The following USP34 variants were observed in gnomAD, a reference collection of about 807,000 sequenced individuals.
USP34 encodes ubiquitin specific peptidase 34, also known as ubiquitin carboxyl-terminal hydrolase 34.
Under a neutral mutation model 460.3 loss-of-function variants are expected in USP34, and 70 were observed. The observed-to-expected ratio is 0.15, with a 90% CI of 0.13 to 0.19. The LOEUF is 0.19. Ranked by LOEUF, USP34 falls within the 10% of genes least tolerant of loss-of-function variation. USP34 has a pLI of 1.00. For synonymous variants in USP34, 1,647 were observed against 1,405.3 expected (o/e 1.17, Z -3.85); for missense variants, 3,985 against 4,236.2 (o/e 0.94, Z 1.65).
intron 1 of USP34, among the ~76,000 whole-genome samples, chr2:61,459,507 G>C (rs1234776757): frequency 6.7e-6 from 1 of 150,128 alleles, no homozygotes; most frequent in Non-Finnish European, 1.5e-5. Flanking sequence ...AGGCACGGTG[G>C]CTCACACCCA....
chr2:61,270,662 C>T (rs561470708), intron 41 of USP34, among the ~76,000 whole-genome samples: 90 of 152,232 alleles, frequency 5.9e-4, no homozygotes, highest in Non-Finnish European at 1.2e-3. Context: ...TCTCAAACTC[C>T]TGAGCTCAAG....
chr2:61,310,242 C>T (rs2103668529), intron 27 of USP34, among the ~76,000 whole-genome samples: 1 of 152,120 alleles, frequency 6.6e-6, no homozygotes, highest in Non-Finnish European at 1.5e-5. Flanking sequence ...TCCAGAAATT[C>T]CATAATGAGG....
intron 27 of USP34, among the ~76,000 whole-genome samples, chr2:61,305,651 A>T (rs1690379565): frequency 6.6e-6 from 1 of 152,170 alleles, no homozygotes; most frequent in Admixed American, 6.5e-5. Flanking sequence ...ACCTTTTCTA[A>T]GTTTGATAAA....
intron 33 of USP34, among the ~76,000 whole-genome samples, chr2:61,289,816 A>C (rs1411999442): frequency 3.3e-5 from 5 of 152,312 alleles, no homozygotes; most frequent in African/African-American, 9.6e-5. Flanking sequence ...ACGTAAAAGA[A>C]AAGACTATAA....
intron 1 of USP34, among the ~76,000 whole-genome samples, chr2:61,454,955 C>T (rs1246274270): frequency 6.8e-6 from 1 of 147,720 alleles, no homozygotes; most frequent in Non-Finnish European, 1.5e-5. Flanking sequence ...CATCTTGGCT[C>T]ACTGCAACCT....
At chr2:61,393,925 C>G (rs1200950029) in intron 5 of USP34, among the ~76,000 whole-genome samples, 2 of 152,048 alleles carry the variant, frequency 1.3e-5, no homozygotes, top group Non-Finnish European at 2.9e-5. Flanking sequence ...ATCATGAGGT[C>G]AGGAGTTTGA....
intron 41 of USP34, among the ~76,000 whole-genome samples, chr2:61,270,564 T>C (rs1259115327): frequency 2.0e-5 from 3 of 152,072 alleles, no homozygotes; most frequent in Non-Finnish European, 2.9e-5. Flanking sequence ...GCCTCCCGAG[T>C]AGCTGTGATT....
intron 37 of USP34, among the ~76,000 whole-genome samples, chr2:61,282,625 C>CA (rs1689567853): frequency 6.6e-6 from 1 of 151,904 alleles, no homozygotes; most frequent in African/African-American, 2.4e-5. Context: ...CCCGTCTCTA[C>CA]AAAAAAGTTA....
rs1455519080 is a variant in USP34 at position 61,339,424 on chromosome 2, C to T, written c.2671G>A (p.Val891Ile). ...ATTTGTCTATCTGTAAACCAACATA[C>T]TAACGAACAAAGAAGTTTCTCTGCT... Reference protein sequence around the residue: ...NEAEKLLCSLVCWFTDRQIRM... With the variant: ...NEAEKLLCSLICWFTDRQIRM... Residue 891 changes from valine to isoleucine, a missense_variant, in exon 18 of 80, where the codon GTA becomes ATA. Physicochemically the swap from Val to Ile is conservative, Grantham distance 29. Coordinates refer to ENST00000398571, the MANE Select transcript of USP34 (RefSeq NM_014709.4). 5 of 1,605,552 alleles carry T rather than the reference C, an allele frequency of 3.1e-6. No individual in the cohort carries two copies. Among genetic ancestry groups the T allele is most frequent in the East Asian group, 4.5e-5 (2 of 44,532 alleles).
intron 16 of USP34, among the ~76,000 whole-genome samples, chr2:61,341,630 T>G (rs565714896): frequency 6.6e-6 from 1 of 152,100 alleles, no homozygotes; most frequent in South Asian, 2.1e-4. Flanking sequence ...CATTCTACCA[T>G]GATTGTAAGC....
At chr2:61,455,955 T>C (rs981574323) in intron 1 of USP34, among the ~76,000 whole-genome samples, 2 of 152,148 alleles carry the variant, frequency 1.3e-5, no homozygotes, top group South Asian at 2.1e-4. Flanking sequence ...AACTCAGGTC[T>C]ACCAGGTTCC....
chr2:61,215,257 T>G (rs1353691978), intron 67 of USP34, among the ~76,000 whole-genome samples: 3 of 152,228 alleles, frequency 2.0e-5, no homozygotes, highest in Non-Finnish European at 4.4e-5. Context: ...GGAAAATCTT[T>G]AAAAGTCTTC....
At chr2:61,285,524 A>T (rs2103965891) in intron 34 of USP34, among the ~76,000 whole-genome samples, 1 of 151,914 alleles carries the variant, frequency 6.6e-6, no homozygotes, top group African/African-American at 2.4e-5. Context: ...GAAAAGAAAA[A>T]GAAAAGAAAT....
intron 1 of USP34, among the ~76,000 whole-genome samples, chr2:61,452,318 CTTTTTTTTT>C (rs35104375): frequency 2.2e-5 from 2 of 89,910 alleles, no homozygotes; most frequent in South Asian, 4.8e-4. Flanking sequence ...ATTCCCGGCA[CTTTTTTTTT>C]TTTTTTTTTT....
intron 1 of USP34, among the ~76,000 whole-genome samples, chr2:61,442,306 TA>T (rs1246235498): frequency 5.1e-5 from 7 of 137,018 alleles, no homozygotes; most frequent in Non-Finnish European, 3.2e-5. Context: ...ATCAACAGAG[TA>T]AAAAAAGACA....
chr2:61,466,110 G>A (rs1695754677), intron 1 of USP34, among the ~76,000 whole-genome samples: 1 of 152,076 alleles, frequency 6.6e-6, no homozygotes. Context: ...TACTACTACA[G>A]AATGACTACG....
chr2:61,226,013 G>A (rs920267596), intron 62 of USP34, among the ~76,000 whole-genome samples: 2 of 152,050 alleles, frequency 1.3e-5, no homozygotes, highest in African/African-American at 4.8e-5. Flanking sequence ...GGACTGTAAT[G>A]GCTATTCACA....
Position 61,225,841 on chromosome 2 carries a change from T to C in USP34, c.7595+1226A>G, listed in dbSNP as rs1296924373. 2.0e-5 allele frequency among the ~76,000 whole-genome samples: 3 copies of C among 152,242 alleles called. No homozygotes were observed. In the East Asian group the frequency reaches 5.8e-4, roughly 29 times the overall value. ...AACGTTTAACTCACTGCCAATAGTA[T>C]TAAAACTCATATGAATGAAATGTGT... On this transcript the variant is annotated intron_variant, in intron 62 of 79. Coordinates refer to ENST00000398571, the MANE Select transcript of USP34 (RefSeq NM_014709.4).
intron 53 of USP34, among the ~76,000 whole-genome samples, chr2:61,237,359 C>T (rs1178236614): frequency 6.6e-6 from 1 of 152,060 alleles, no homozygotes; most frequent in Non-Finnish European, 1.5e-5. Flanking sequence ...TTCTGTGTCA[C>T]AATTTTTGTC....
Sources: gnomAD v4.1 joint callset for allele counts (sites outside exome capture counted in the v4.1 genomes callset) on GRCh38, gnomAD v4.1.1 for gene constraint, MANE v1.5 for transcripts, NCBI Gene and HGNC (gene_info 2026-07-23, HGNC 2026-07-21) for gene names.